CEP63: variants seen among roughly 807,000 people sequenced by gnomAD.
CEP63 encodes the protein centrosomal protein of 63 kDa.
CEP63 carries 84 observed loss-of-function variants against 89.1 expected under a neutral mutation model. That is an observed-to-expected ratio of 0.94 (90% CI 0.79 to 1.13). The LOEUF (loss-of-function observed/expected upper bound fraction) is 1.13. Ranked by LOEUF, CEP63 falls within the 50% of genes most tolerant of loss-of-function variation. CEP63 has a pLI of 0.00. For synonymous variants in CEP63, 267 were observed against 272.5 expected (o/e 0.98, Z 0.20); for missense variants, 838 against 813.3 (o/e 1.03, Z -0.37).
At chr3:134,757,461 G>A in the CEP63 span, among the ~76,000 whole-genome samples, 3 of 152,280 alleles carry the variant, frequency 2.0e-5, no homozygotes, top group East Asian at 5.8e-4. Context: ...TCAGGACAAG[G>A]TTGTTTTATC....
At chr3:134,614,146 T>C in the CEP63 span, among the ~76,000 whole-genome samples, 1 of 152,234 alleles carries the variant, frequency 6.6e-6, no homozygotes, top group South Asian at 2.1e-4. Flanking sequence ...AGCAAAGACC[T>C]GGAGAGCCCA....
At chr3:134,738,265 C>A in the CEP63 span, among the ~76,000 whole-genome samples, 898 of 145,212 alleles carry the variant, frequency 6.2e-3, 11 homozygotes, top group African/African-American at 0.025. Flanking sequence ...CACACACACA[C>A]ACACACACAC....
At chr3:134,543,390 G>A (rs1271198837) in intron 6 of CEP63, among the ~76,000 whole-genome samples, 2 of 152,132 alleles carry the variant, frequency 1.3e-5, no homozygotes, top group African/African-American at 4.8e-5. Flanking sequence ...ATTTGTACTT[G>A]AGTTGATTAA....
upstream of CEP63, chr3:134,485,991 G>GGCCCCCCCCCCC: frequency 1.1e-6 from 1 of 938,170 alleles, no homozygotes; most frequent in Non-Finnish European, 1.3e-6. Flanking sequence ...CTCCTGCCAC[G>GGCCCCCCCCCCC]CCCCCCCCCC....
At chr3:134,719,659 A>T in the CEP63 span, among the ~76,000 whole-genome samples, 711 of 152,202 alleles carry the variant, frequency 4.7e-3, 3 homozygotes, top group African/African-American at 0.016. Context: ...GCCTTAAACA[A>T]TCATTAATCT....
chr3:134,538,649 C>A (rs1951370427), intron 6 of CEP63, among the ~76,000 whole-genome samples: 1 of 150,256 alleles, frequency 6.7e-6, no homozygotes, highest in African/African-American at 2.4e-5. Flanking sequence ...AATTCCTGGG[C>A]TCCAGCAATC....
the CEP63 span, among the ~76,000 whole-genome samples, chr3:134,676,646 G>C: frequency 6.6e-6 from 1 of 152,166 alleles, no homozygotes. Flanking sequence ...TGAGAACGGG[G>C]TCAACAGTGA....
At chr3:134,722,605 G>C in the CEP63 span, among the ~76,000 whole-genome samples, 1 of 151,846 alleles carries the variant, frequency 6.6e-6, no homozygotes, top group Non-Finnish European at 1.5e-5. Flanking sequence ...GATGTAGTTT[G>C]TTATTCTTTT....
At chr3:134,651,080 T>G in the CEP63 span, 1 of 1,493,038 alleles carries the variant, frequency 6.7e-7, no homozygotes, top group Non-Finnish European at 8.9e-7. Context: ...AAGAGGGCGC[T>G]CCCCCGCCGC....
At chr3:134,716,907 A>C in the CEP63 span, among the ~76,000 whole-genome samples, 1 of 152,202 alleles carries the variant, frequency 6.6e-6, no homozygotes, top group Non-Finnish European at 1.5e-5. Flanking sequence ...GATGCACATG[A>C]CAAACTCAGG....
chr3:134,773,422 G>T, the CEP63 span, among the ~76,000 whole-genome samples: 2 of 152,174 alleles, frequency 1.3e-5, no homozygotes, highest in Admixed American at 6.5e-5. Flanking sequence ...AAAATGGCAC[G>T]CATAGAAATG....
chr3:134,545,943 G>C (rs1953202436), intron 7 of CEP63, 124 bp downstream of exon 7: 2 of 832,946 alleles, frequency 2.4e-6, no homozygotes, highest in Non-Finnish European at 3.8e-6. Flanking sequence ...TGATGGATCA[G>C]ATATTGATAG....
At chr3:134,768,372 CTT>C in the CEP63 span, among the ~76,000 whole-genome samples, 3 of 152,192 alleles carry the variant, frequency 2.0e-5, no homozygotes, top group Non-Finnish European at 2.9e-5. Context: ...CTGCTGCAGA[CTT>C]TGCCTACAGA....
chr3:134,507,439 T>A (rs1383930723), intron 3 of CEP63, among the ~76,000 whole-genome samples, 153 bp downstream of exon 3: 1 of 152,206 alleles, frequency 6.6e-6, no homozygotes, highest in African/African-American at 2.4e-5. Context: ...AGAAGAAAAA[T>A]TCATTGTGAA....
the CEP63 span, among the ~76,000 whole-genome samples, chr3:134,730,499 T>C: frequency 2.0e-5 from 3 of 152,140 alleles, no homozygotes; most frequent in East Asian, 1.9e-4. Context: ...AATATGTTCA[T>C]TGTAAGAAAA....
the CEP63 span, among the ~76,000 whole-genome samples, chr3:134,767,589 G>A: frequency 6.6e-6 from 1 of 152,280 alleles, no homozygotes; most frequent in South Asian, 2.1e-4. Context: ...AAGGAGCCCT[G>A]CATTTTCATT....
the CEP63 span, among the ~76,000 whole-genome samples, chr3:134,635,238 T>C: frequency 6.6e-6 from 1 of 152,182 alleles, no homozygotes; most frequent in Non-Finnish European, 1.5e-5. Context: ...GGCTCATGCC[T>C]GTAATCCCAG....
chr3:134,569,104 C>T (rs1204070462), downstream of CEP63, among the ~76,000 whole-genome samples: 1 of 152,200 alleles, frequency 6.6e-6, no homozygotes, highest in Non-Finnish European at 1.5e-5. Context: ...ATGATTCAAC[C>T]ACCTTCCACC....
At chr3:134,683,516 T>C in the CEP63 span, among the ~76,000 whole-genome samples, 2 of 152,188 alleles carry the variant, frequency 1.3e-5, no homozygotes, top group Admixed American at 6.5e-5. Context: ...CATTCTTCTC[T>C]AAGGTTGAGA....
Sources: gnomAD v4.1 joint callset for allele counts (sites outside exome capture counted in the v4.1 genomes callset) on GRCh38, gnomAD v4.1.1 for gene constraint, MANE v1.5 for transcripts, NCBI Gene and HGNC (gene_info 2026-07-23, HGNC 2026-07-21) for gene names.